The following ELMO2 variants were observed in gnomAD, a reference collection of about 807,000 sequenced individuals.
The protein encoded by ELMO2 is engulfment and cell motility protein 2.
Under a neutral mutation model 96.2 loss-of-function variants are expected in ELMO2, and 37 were observed. The observed-to-expected ratio is 0.38, with a 90% CI of 0.30 to 0.51. The LOEUF is 0.51. ELMO2 is among the 20% of genes least tolerant of loss of function. The probability of loss-of-function intolerance (pLI) is 0.88; values close to 1 mark genes in which losing one functional copy is unlikely to be tolerated. For missense variants in ELMO2, 561 were observed against 912.6 expected (o/e 0.61, Z 4.96); for synonymous variants, 315 against 329.4 (o/e 0.96, Z 0.47).
Position 46,371,921 on chromosome 20 carries a change from G to A in ELMO2, c.1465C>T (p.Pro489Ser). Residue 489 changes from proline (P) to serine (S), a missense_variant, in exon 17 of 22, where the codon CCC becomes TCC. Coordinates refer to ENST00000290246, the MANE Select transcript of ELMO2 (RefSeq NM_133171.5). The surrounding 1 kb of genome is among the most constrained non-coding windows in gnomAD (Gnocchi z 5.9). ...EQITRALPSK[P>S]NSLDQFKSKL... ...CTCTTGAACTGATCCAAAGAGTTGGGTTTGGAGGGCAAAGCTCGAGTGATT... is the reference window on the plus strand; with the variant it reads ...CTCTTGAACTGATCCAAAGAGTTGGATTTGGAGGGCAAAGCTCGAGTGATT... 4.3e-6 allele frequency: 7 copies of A among 1,614,180 alleles called. No homozygotes were observed. Among genetic ancestry groups the A allele is most frequent in the Non-Finnish European group, 5.9e-6 (7 of 1,180,030 alleles).
chr20:46,384,653 C>T lies in ELMO2; in HGVS notation c.678-1159G>A, dbSNP rs746457228. 3.9e-5 allele frequency among the ~76,000 whole-genome samples: 6 copies of T among 151,966 alleles called. No individual in the cohort carries two copies. The South Asian group carries it at 6.2e-4, about 16-fold the overall frequency. On this transcript the variant is annotated intron_variant, in intron 9 of 21. Coordinates refer to ENST00000290246, the MANE Select transcript of ELMO2 (RefSeq NM_133171.5). Reference sequence around the variant, plus strand: ...CTCACCTTAATCAACCTTGGTGGCTCGCTGGGTATGAAAGCTGAGGCTAGA... The same window carrying T: ...CTCACCTTAATCAACCTTGGTGGCTTGCTGGGTATGAAAGCTGAGGCTAGA...
intron 2 of ELMO2, among the ~76,000 whole-genome samples, chr20:46,397,449 C>T (rs759852731): frequency 1.3e-5 from 2 of 152,150 alleles, no homozygotes; most frequent in Non-Finnish European, 1.5e-5. Context: ...GTGGGTGGAT[C>T]GCCTGAGGTC....
chr20:46,394,159 C>T (rs920859110), intron 3 of ELMO2, 70 bp from the exon 4 acceptor site: 2 of 1,432,416 alleles, frequency 1.4e-6, no homozygotes, highest in African/African-American at 1.4e-5. Flanking sequence ...TGACAAGAGG[C>T]CTGCCAAGCA....
chr20:46,386,460 C>A (rs1373507905), intron 8 of ELMO2, among the ~76,000 whole-genome samples, 185 bp from the exon 9 acceptor site: 3 of 152,226 alleles, frequency 2.0e-5, no homozygotes, highest in Admixed American at 1.3e-4. Context: ...GGCATGGATA[C>A]CTTAATCTCA....
At chr20:46,403,822 G>A (rs1213821820) in intron 1 of ELMO2, among the ~76,000 whole-genome samples, 4 of 152,178 alleles carry the variant, frequency 2.6e-5, no homozygotes, top group Non-Finnish European at 5.9e-5. Context: ...CGTGGCTCAC[G>A]CCTGTAATCT....
chr20:46,391,002 TTCC>T (rs1819564363), intron 6 of ELMO2: 1 of 152,458 alleles, frequency 6.6e-6, no homozygotes, highest in Non-Finnish European at 1.5e-5. Flanking sequence ...AATGTCAATT[TTCC>T]TCCTGAGACA....
rs114702052 is a variant in ELMO2 at position 46,383,911 on chromosome 20, T to C, written c.678-417A>G. 8.3e-3 allele frequency among the ~76,000 whole-genome samples: 1,272 copies of C among 152,350 alleles called. 17 individuals are homozygous for C. Among genetic ancestry groups the C allele is most frequent in the African/African-American group, 0.029 (1,208 of 41,562 alleles). ...GGAATGATACAGAAATTATTCTATG[T>C]AGTTTGCCAACTAAGTGGTATTTTT... On this transcript the variant is annotated intron_variant, in intron 9 of 21. Transcript: ENST00000290246.
At position 46,394,106 on chromosome 20, in the gene ELMO2, G is replaced by A. The variant is rs772247813; in HGVS notation, c.79-17C>T. 5 of 1,599,204 alleles carry A rather than the reference G, an allele frequency of 3.1e-6. No homozygotes were observed. ...GGGCCGTTTCTGAAAGAGAGAGAGAGAAAGCCTTCAACAGCAGCAACATCC... is the reference window on the plus strand; with the variant it reads ...GGGCCGTTTCTGAAAGAGAGAGAGAAAAAGCCTTCAACAGCAGCAACATCC... On this transcript the variant is annotated splice_polypyrimidine_tract_variant and intron_variant, in intron 3 of 21. Coordinates refer to ENST00000290246, the MANE Select transcript of ELMO2 (RefSeq NM_133171.5).
chr20:46,403,269 C>G (rs144549211), intron 1 of ELMO2, among the ~76,000 whole-genome samples: 4 of 152,186 alleles, frequency 2.6e-5, no homozygotes, highest in African/African-American at 4.8e-5. Context: ...TGGTGTTCCA[C>G]TATTATTATT....
rs1449167988 is a variant in ELMO2 at position 46,370,427 on chromosome 20, T to C, written c.1884+16A>G. ...GTATCACTGGGCCAGCTACTCAAAC[T>C]GGCCTCTCTACTCACCTTGTTCTGT... On this transcript the variant is annotated intron_variant, in intron 20 of 21. Coordinates refer to ENST00000290246, the MANE Select transcript of ELMO2 (RefSeq NM_133171.5). The C allele has an allele frequency of 6.2e-7, 1 of 1,613,426 alleles. No homozygotes were observed.
chr20:46,395,372 A>G (rs2060225574), intron 2 of ELMO2, among the ~76,000 whole-genome samples: 1 of 152,216 alleles, frequency 6.6e-6, no homozygotes, highest in Non-Finnish European at 1.5e-5. Context: ...TTCTCTCTCC[A>G]AGGTCTGACG....
At chr20:46,380,326 A>G in intron 10 of ELMO2, 23 bp from the exon 11 acceptor site, 1 of 1,608,408 alleles carries the variant, frequency 6.2e-7, no homozygotes, top group Non-Finnish European at 8.5e-7. Flanking sequence ...ATAAGCAAAT[A>G]TAAGGCAGGG....
Position 46,371,549 on chromosome 20 carries a change from G to A in ELMO2, c.1693+30C>T, listed in dbSNP as rs369324348. 166 of 1,603,598 alleles carry A rather than the reference G, an allele frequency of 1.0e-4. No homozygotes were observed. In the African/African-American group the frequency reaches 1.8e-3, roughly 17 times the overall value. The stretch of plus-strand genomic sequence containing the variant: ...GGGGCCATCCAGGCAGGCTCTTCCC[G>A]GCACCAAGGATTGCCCCGTCTCCTC... On this transcript the variant is annotated intron_variant, in intron 18 of 21. Coordinates refer to ENST00000290246, the MANE Select transcript of ELMO2 (RefSeq NM_133171.5). This position sits in a 1 kb window ranked among gnomAD's most constrained non-coding sequence, Gnocchi z 5.9.
At chr20:46,379,659 T>G (rs1703282086) in intron 11 of ELMO2, among the ~76,000 whole-genome samples, 1 of 152,142 alleles carries the variant, frequency 6.6e-6, no homozygotes, top group Non-Finnish European at 1.5e-5. Context: ...CTGGCTGCCC[T>G]CTGACTGAAA....
At position 46,371,312 on chromosome 20, in the gene ELMO2, G is replaced by C. The variant is rs779313648; in HGVS notation, c.1801+40C>G. The C allele has an allele frequency of 6.3e-7, 1 of 1,597,958 alleles. No homozygotes were observed. The highest frequency in any genetic ancestry group is 1.3e-5 in the African/African-American group (1 of 74,656). The stretch of plus-strand genomic sequence containing the variant: ...GACTAGAACTCCTGTCTCCTGACAA[G>C]TCCAGCAACCATGACACATCAACAG... On this transcript the variant is annotated intron_variant, in intron 19 of 21. Transcript: ENST00000290246. The surrounding 1 kb of genome is among the most constrained non-coding windows in gnomAD (Gnocchi z 5.9).
At chr20:46,390,856 A>G (rs1429711913) in intron 6 of ELMO2, 1 of 152,228 alleles carries the variant, frequency 6.6e-6, no homozygotes, top group African/African-American at 2.4e-5. Flanking sequence ...TGGCCCTTCA[A>G]AGCACAGTGC....
Position 46,393,093 on chromosome 20 carries a change from C to T in ELMO2, c.243G>A (p.Pro81=), listed in dbSNP as rs1322778319. 6.2e-7 allele frequency: 1 copy of T among 1,613,616 alleles called. No homozygotes were observed. Among genetic ancestry groups the T allele is most frequent in the African/African-American group, 1.3e-5 (1 of 74,878 alleles). ...NGTILQLAIS[P]SRAARQLMER... ...CTCCTAAGGAAGAAAGAATACCTAC[C>T]GGGGAGATAGCCAGTTGTAAGATTG... Residue 81 remains proline, a splice_region_variant and synonymous_variant, in exon 6 of 22, where the codon CCG becomes CCA. Transcript: ENST00000290246.
At chr20:46,380,363 T>C in intron 10 of ELMO2, 60 bp from the exon 11 acceptor site, 1 of 1,374,292 alleles carries the variant, frequency 7.3e-7, no homozygotes, top group African/African-American at 1.4e-5. Flanking sequence ...GTGACTACTA[T>C]CGAGAGGAAG....
chr20:46,378,835 C>G (rs1272560345), intron 11 of ELMO2, among the ~76,000 whole-genome samples: 1 of 152,186 alleles, frequency 6.6e-6, no homozygotes, highest in East Asian at 1.9e-4. Flanking sequence ...AAACTGAAGT[C>G]CAGAGAAGTT....
Sources: allele counts gnomAD v4.1 joint callset (sites outside exome capture counted in the v4.1 genomes callset), GRCh38; gene constraint gnomAD v4.1.1; non-coding constraint Gnocchi (gnomAD v3.1); transcripts MANE v1.5; gene names NCBI Gene and HGNC (gene_info 2026-07-23, HGNC 2026-07-21).